The following NTNG1 variants were observed in gnomAD, a reference collection of about 807,000 sequenced individuals.
NTNG1 encodes netrin G1.
A neutral mutation model predicts 54.0 loss-of-function variants in NTNG1; 16 were observed. That is an observed-to-expected ratio of 0.30 (90% CI 0.20 to 0.45). NTNG1 has a LOEUF of 0.45. Ranked by LOEUF, NTNG1 falls within the 20% of genes least tolerant of loss-of-function variation. The pLI is 1.00. For synonymous variants in NTNG1, 255 were observed against 263.1 expected (o/e 0.97, Z 0.30); for missense variants, 530 against 678.7 (o/e 0.78, Z 2.43).
chr1:107,386,106 TACAC>T (rs1157605260), intron 3 of NTNG1, among the ~76,000 whole-genome samples: 1 of 147,090 alleles, frequency 6.8e-6, no homozygotes, highest in Non-Finnish European at 1.5e-5. Flanking sequence ...TATATATATA[TACAC>T]ATATATATAC....
At chr1:107,384,162 T>C (rs886349687) in intron 3 of NTNG1, among the ~76,000 whole-genome samples, 8 of 152,152 alleles carry the variant, frequency 5.3e-5, no homozygotes, top group African/African-American at 1.9e-4. Flanking sequence ...ACTTATAAGC[T>C]CCTATCTTCA....
At chr1:107,274,335 G>C (rs550799187) in intron 2 of NTNG1, among the ~76,000 whole-genome samples, 14 of 152,340 alleles carry the variant, frequency 9.2e-5, no homozygotes, top group Non-Finnish European at 1.5e-4. Context: ...TTTGCTATTT[G>C]AAAAGATTTG....
At chr1:107,480,502 A>G (rs979346432) in intron 7 of NTNG1, 109 bp from the exon 8 acceptor site, 2 of 694,320 alleles carry the variant, frequency 2.9e-6, no homozygotes, top group African/African-American at 3.6e-5. Flanking sequence ...ACAAAGATCG[A>G]TAGAGATTTT....
intron 2 of NTNG1, among the ~76,000 whole-genome samples, chr1:107,190,960 T>A (rs1657868087): frequency 6.6e-6 from 1 of 152,146 alleles, no homozygotes; most frequent in Non-Finnish European, 1.5e-5. Context: ...GATGGCTGGG[T>A]CAAATGGTAT....
At chr1:107,235,548 A>C (rs1487376900) in intron 2 of NTNG1, among the ~76,000 whole-genome samples, 2 of 152,126 alleles carry the variant, frequency 1.3e-5, no homozygotes, top group African/African-American at 2.4e-5. Flanking sequence ...TACCTTCAGG[A>C]GCTCCATCAA....
intron 3 of NTNG1, among the ~76,000 whole-genome samples, chr1:107,365,805 AT>A (rs1557936617): frequency 6.6e-6 from 1 of 152,206 alleles, no homozygotes; most frequent in African/African-American, 2.4e-5. Context: ...GGGAGGGCAG[AT>A]TTTAAGCATA....
chr1:107,475,517 C>T (rs556282641), intron 7 of NTNG1, among the ~76,000 whole-genome samples: 2 of 152,228 alleles, frequency 1.3e-5, no homozygotes, highest in Admixed American at 6.5e-5. Context: ...GTCTTAGATC[C>T]CAGTCTCCTA....
intron 6 of NTNG1, among the ~76,000 whole-genome samples, chr1:107,433,741 A>G (rs1201216622): frequency 6.6e-6 from 1 of 152,166 alleles, no homozygotes; most frequent in Non-Finnish European, 1.5e-5. Flanking sequence ...ATTAATAACA[A>G]TTTCCTTAAA....
chr1:107,342,027 T>C (rs1668928244), intron 3 of NTNG1, among the ~76,000 whole-genome samples: 1 of 152,064 alleles, frequency 6.6e-6, no homozygotes, highest in Non-Finnish European at 1.5e-5. Flanking sequence ...TAAAAACAAA[T>C]TATGTATTAA....
At chr1:107,349,496 A>G (rs1007925503) in intron 3 of NTNG1, among the ~76,000 whole-genome samples, 4 of 152,170 alleles carry the variant, frequency 2.6e-5, no homozygotes, top group African/African-American at 9.7e-5. Flanking sequence ...AATTTGAGAA[A>G]TAGAATATTA....
At chr1:107,247,323 G>T (rs1315711316) in intron 2 of NTNG1, among the ~76,000 whole-genome samples, 1 of 152,158 alleles carries the variant, frequency 6.6e-6, no homozygotes, top group African/African-American at 2.4e-5. Flanking sequence ...AGGCTACAGA[G>T]TGATGAAAAG....
chr1:107,392,685 G>GGC (rs1672437717), intron 3 of NTNG1, among the ~76,000 whole-genome samples: 1 of 152,090 alleles, frequency 6.6e-6, no homozygotes, highest in Non-Finnish European at 1.5e-5. Context: ...GAATGGAGAT[G>GGC]GCAAGTATAG....
chr1:107,467,482 A>C (rs1298567081), intron 7 of NTNG1, among the ~76,000 whole-genome samples: 1 of 152,214 alleles, frequency 6.6e-6, no homozygotes, highest in Non-Finnish European at 1.5e-5. Context: ...ATTGAGTTGA[A>C]TGACCTCTCA....
At chr1:107,336,212 A>C (rs781520205) in intron 3 of NTNG1, among the ~76,000 whole-genome samples, 4 of 151,056 alleles carry the variant, frequency 2.6e-5, no homozygotes, top group Non-Finnish European at 5.9e-5. Context: ...TTCAAAACTT[A>C]CTACAAAGTC....
intron 5 of NTNG1, among the ~76,000 whole-genome samples, chr1:107,419,456 T>C (rs927499326): frequency 6.6e-6 from 1 of 151,510 alleles, no homozygotes; most frequent in Non-Finnish European, 1.5e-5. Context: ...GACAGAAATG[T>C]GATTACGCAG....
chr1:107,470,042 C>T (rs564192607), intron 7 of NTNG1, among the ~76,000 whole-genome samples: 3 of 152,200 alleles, frequency 2.0e-5, no homozygotes, highest in Admixed American at 2.0e-4. Context: ...GTTGCAGATC[C>T]CTTTAGCTCA....
chr1:107,249,431 G>A (rs565421227), intron 2 of NTNG1, among the ~76,000 whole-genome samples: 4 of 149,286 alleles, frequency 2.7e-5, no homozygotes, highest in Admixed American at 6.7e-5. Context: ...GCTGTGAGCC[G>A]AGATGGCGCC....
intron 2 of NTNG1, among the ~76,000 whole-genome samples, chr1:107,242,800 C>T (rs1661933935): frequency 6.6e-6 from 1 of 152,178 alleles, no homozygotes; most frequent in South Asian, 2.1e-4. Context: ...GAAGTGGGAA[C>T]ATTTGTGCTT....
chr1:107,209,613 A>G (rs1321474696), intron 2 of NTNG1, among the ~76,000 whole-genome samples: 1 of 152,156 alleles, frequency 6.6e-6, no homozygotes, highest in Non-Finnish European at 1.5e-5. Flanking sequence ...TCCCTCCCAC[A>G]TTAATAGGTC....
Sources: allele counts gnomAD v4.1 joint callset (sites outside exome capture counted in the v4.1 genomes callset), GRCh38; gene constraint gnomAD v4.1.1; transcripts MANE v1.5; gene names NCBI Gene and HGNC (gene_info 2026-07-23, HGNC 2026-07-21).